Variants in ZSWIM6 observed in about 807,000 individuals in gnomAD.
ZSWIM6 encodes zinc finger SWIM domain-containing protein 6.
ZSWIM6 carries 9 observed loss-of-function variants against 113.2 expected under a neutral mutation model. That is an observed-to-expected ratio of 0.08 (90% CI 0.05 to 0.14). The LOEUF is 0.14. ZSWIM6 is among the 10% of genes least tolerant of loss of function. The probability of loss-of-function intolerance (pLI) is 1.00; values close to 1 mark genes in which losing one functional copy is unlikely to be tolerated. For missense variants in ZSWIM6, 1,162 were observed against 1,552.2 expected (o/e 0.75, Z 4.22); for synonymous variants, 611 against 606.5 (o/e 1.01, Z -0.11).
chr5:61,403,946 A>G (rs1174991500), intron 1 of ZSWIM6, among the ~76,000 whole-genome samples: 1 of 152,150 alleles, frequency 6.6e-6, no homozygotes, highest in Non-Finnish European at 1.5e-5. Context: ...TTGTCTTCCC[A>G]GGATGAATTA....
At chr5:61,333,571 G>A (rs2112015905) in intron 1 of ZSWIM6, among the ~76,000 whole-genome samples, 1 of 151,860 alleles carries the variant, frequency 6.6e-6, no homozygotes, top group Admixed American at 6.5e-5. Context: ...CGTCTGGCCC[G>A]GGCGAGCTCC....
intron 1 of ZSWIM6, among the ~76,000 whole-genome samples, chr5:61,357,876 A>G (rs1744951728): frequency 6.6e-6 from 1 of 152,184 alleles, no homozygotes; most frequent in Admixed American, 6.5e-5. Context: ...GATTAAAAAA[A>G]AAATTTCCTG....
intron 1 of ZSWIM6, among the ~76,000 whole-genome samples, chr5:61,364,474 G>A (rs1745110796): frequency 6.6e-6 from 1 of 152,110 alleles, no homozygotes; most frequent in South Asian, 2.1e-4. Flanking sequence ...ATTTTGTGAT[G>A]TGAAAATTAT....
chr5:61,515,575 T>C (rs1748912394), intron 4 of ZSWIM6, among the ~76,000 whole-genome samples: 1 of 152,108 alleles, frequency 6.6e-6, no homozygotes, highest in African/African-American at 2.4e-5. Context: ...CATTAATCCA[T>C]TCATGAGAGC....
rs1004719142 is a variant in ZSWIM6 at position 61,332,351 on chromosome 5, AGCAGCG to A, written c.82_87del (p.Ser28_Gly29del). 6 of 998,150 alleles carry A rather than the reference AGCAGCG, an allele frequency of 6.0e-6. No individual in the cohort carries two copies. In the African/African-American group the frequency reaches 1.1e-4, roughly 18 times the overall value. 61.8% of individuals were successfully genotyped at this position (998,150 alleles called of 1,614,324 possible). On this transcript the variant is annotated inframe_deletion, in exon 1 of 14. Coordinates refer to ENST00000252744, the MANE Select transcript of ZSWIM6 (RefSeq NM_020928.2). ...GGGCGGCGGCGGCGGCGGCGGGGGC[AGCAGCG>A]GCGGCGGCGGCGGCGCGGGTGGCGG...
intron 1 of ZSWIM6, among the ~76,000 whole-genome samples, chr5:61,379,185 G>GAAAAAAAAAAAAAAAAA (rs1211778480): frequency 2.6e-5 from 1 of 38,592 alleles, no homozygotes; most frequent in African/African-American, 1.0e-4. Flanking sequence ...TCCTGTCTCT[G>GAAAAAAAAAAAAAAAAA]AAAAAAAAAA....
chr5:61,453,547 G>T (rs929507063), intron 1 of ZSWIM6, among the ~76,000 whole-genome samples: 3 of 151,658 alleles, frequency 2.0e-5, no homozygotes, highest in Non-Finnish European at 4.4e-5. Context: ...GCTAATTTTT[G>T]TATTTTTTTG....
chr5:61,436,268 C>T lies in ZSWIM6; in HGVS notation c.677-36413C>T, dbSNP rs188956051. Among the ~76,000 whole-genome samples the T allele has an allele frequency of 1.2e-3, 176 of 151,780 alleles. 2 individuals are homozygous for T. In the East Asian group the frequency reaches 0.024, roughly 21 times the overall value. On this transcript the variant is annotated intron_variant, in intron 1 of 13. Transcript: ENST00000252744. ...GAGATGTTGGTAGCAGCTTGAACAT[C>T]AGCTGGCCTGTGCTTTAACTGAACA...
At chr5:61,517,250 C>T (rs1028304800) in intron 4 of ZSWIM6, among the ~76,000 whole-genome samples, 13 of 152,126 alleles carry the variant, frequency 8.5e-5, no homozygotes, top group South Asian at 4.1e-4. Flanking sequence ...TTTTGGGAAT[C>T]GAAAGACATA....
intron 2 of ZSWIM6, among the ~76,000 whole-genome samples, chr5:61,478,248 G>C (rs1359682410): frequency 2.0e-5 from 3 of 152,146 alleles, no homozygotes; most frequent in Non-Finnish European, 4.4e-5. Flanking sequence ...AAGTGCAGTA[G>C]AGTGAAACTT....
At chr5:61,495,659 T>C (rs1748296390) in intron 4 of ZSWIM6, among the ~76,000 whole-genome samples, 1 of 152,264 alleles carries the variant, frequency 6.6e-6, no homozygotes, top group South Asian at 2.1e-4. Context: ...ATTAGAATGA[T>C]GTTTGGGGGG....
intron 1 of ZSWIM6, among the ~76,000 whole-genome samples, chr5:61,364,083 C>T (rs1180385701): frequency 6.8e-6 from 1 of 147,750 alleles, no homozygotes; most frequent in Non-Finnish European, 1.5e-5. Flanking sequence ...CTCACTGTTT[C>T]ACCCAGGTTG....
chr5:61,434,923 T>C (rs1452833094), intron 1 of ZSWIM6, among the ~76,000 whole-genome samples: 1 of 152,246 alleles, frequency 6.6e-6, no homozygotes, highest in Non-Finnish European at 1.5e-5. Context: ...GATGAGCTGA[T>C]AAGGTTTATG....
At chr5:61,388,213 C>A (rs1745629200) in intron 1 of ZSWIM6, among the ~76,000 whole-genome samples, 1 of 151,970 alleles carries the variant, frequency 6.6e-6, no homozygotes, top group South Asian at 2.1e-4. Context: ...AAACTCCTGG[C>A]CTCATGTGAT....
At chr5:61,400,921 A>C (rs1484377998) in intron 1 of ZSWIM6, among the ~76,000 whole-genome samples, 1 of 152,148 alleles carries the variant, frequency 6.6e-6, no homozygotes, top group East Asian at 1.9e-4. Flanking sequence ...GCTCCTATTG[A>C]CAATGTGTTT....
chr5:61,425,550 AAGAG>A (rs1263866618), intron 1 of ZSWIM6, among the ~76,000 whole-genome samples: 1 of 152,206 alleles, frequency 6.6e-6, no homozygotes, highest in East Asian at 1.9e-4. Flanking sequence ...AACTCACAAA[AAGAG>A]AGAAATCCCC....
chr5:61,415,337 A>C (rs1746225566), intron 1 of ZSWIM6, among the ~76,000 whole-genome samples: 1 of 152,200 alleles, frequency 6.6e-6, no homozygotes, highest in African/African-American at 2.4e-5. Context: ...TCATGCCTGT[A>C]ATTCCAGCAC....
chr5:61,450,423 A>G (rs1254058126), intron 1 of ZSWIM6, among the ~76,000 whole-genome samples: 1 of 151,912 alleles, frequency 6.6e-6, no homozygotes, highest in Non-Finnish European at 1.5e-5. Context: ...CATTCCAGAG[A>G]CTCTTGCTTT....
rs1447767332 is a variant in ZSWIM6 at position 61,332,464 on chromosome 5, G to C, written c.192G>C (p.Gly64=). 4.5e-6 allele frequency: 5 copies of C among 1,116,886 alleles called. No homozygotes were observed. In the Admixed American group the frequency reaches 2.0e-4, roughly 44 times the overall value. 69.2% of individuals were successfully genotyped at this position (1,116,886 alleles called of 1,614,324 possible). A position where few individuals can be genotyped will look rare whatever the true frequency, so the allele number is the denominator to read the frequency against. ...CGTGCGGGGGCGGCGCGGCGCTGGG[G>C]TTGCTGCCGCCGGGCAAGACCCAGA... The part of the protein sequence containing the change: ...AAACGGGAAL[G]LLPPGKTQSP... Residue 64 remains glycine (G), a synonymous_variant, in exon 1 of 14, where the codon GGG becomes GGC. Coordinates refer to ENST00000252744, the MANE Select transcript of ZSWIM6 (RefSeq NM_020928.2).
Sources: allele counts gnomAD v4.1 joint callset (sites outside exome capture counted in the v4.1 genomes callset), GRCh38; gene constraint gnomAD v4.1.1; transcripts MANE v1.5; gene names NCBI Gene and HGNC (gene_info 2026-07-23, HGNC 2026-07-21).